CDH18: variants seen among roughly 807,000 people sequenced by gnomAD.
The protein encoded by CDH18 is cadherin-18.
CDH18 carries 31 observed loss-of-function variants against 67.9 expected under a neutral mutation model. That is an observed-to-expected ratio of 0.46 (90% CI 0.34 to 0.62). CDH18 has a LOEUF of 0.62. Among genes scored for constraint, CDH18 ranks in the 20% least tolerant of loss-of-function variants. The pLI, the probability that CDH18 is intolerant of heterozygous loss-of-function variation, is 0.01. For missense variants in CDH18, 890 were observed against 975.5 expected (o/e 0.91, Z 1.17); for synonymous variants, 362 against 347.2 (o/e 1.04, Z -0.48).
At chr5:19,703,983 G>GAAATTC (rs1337975756) in intron 5 of CDH18, among the ~76,000 whole-genome samples, 6 of 152,228 alleles carry the variant, frequency 3.9e-5, no homozygotes, top group African/African-American at 1.2e-4. Context: ...TTACAATGGG[G>GAAATTC]AAATTCAAAT....
chr5:19,949,795 T>A (rs1369019031), intron 2 of CDH18, among the ~76,000 whole-genome samples: 1 of 152,012 alleles, frequency 6.6e-6, no homozygotes, highest in African/African-American at 2.4e-5. Context: ...TATAACATTT[T>A]AAATTTTGAC....
chr5:20,386,106 A>T (rs990726825), intron 1 of CDH18, among the ~76,000 whole-genome samples: 1 of 152,174 alleles, frequency 6.6e-6, no homozygotes, highest in East Asian at 1.9e-4. Flanking sequence ...TCATGCATTC[A>T]TCCTCAAGGA....
At position 19,508,145 on chromosome 5, in the gene CDH18, C is replaced by T. The variant is rs948991251; in HGVS notation, c.1513-5036G>A. Among the ~76,000 whole-genome samples, 6 of 151,618 alleles carry T rather than the reference C, an allele frequency of 4.0e-5. 1 individual carries two copies. The highest frequency in any genetic ancestry group is 7.3e-5 in the African/African-American group (3 of 41,324). ...TTGCTTGGTCTCTGCTCTGTATTGG[C>T]ATATTCAATATTTCTGTTTTACAAA... On this transcript the variant is annotated intron_variant, in intron 10 of 12. Coordinates refer to ENST00000382275, the MANE Select transcript of CDH18 (RefSeq NM_004934.5).
chr5:19,475,220 GC>G (rs1738243130), intron 12 of CDH18, among the ~76,000 whole-genome samples: 1 of 108,442 alleles, frequency 9.2e-6, no homozygotes, highest in Non-Finnish European at 2.1e-5. Context: ...ACACACACAT[GC>G]TTCTCAACCT....
chr5:20,508,376 T>C (rs1554011739), intron 1 of CDH18, among the ~76,000 whole-genome samples: 2 of 144,678 alleles, frequency 1.4e-5, no homozygotes, highest in Non-Finnish European at 3.0e-5. Flanking sequence ...TGTATATTTA[T>C]TTGGAAAACT....
chr5:19,534,981 T>G, intron 9 of CDH18, among the ~76,000 whole-genome samples: 1 of 152,194 alleles, frequency 6.6e-6, no homozygotes, highest in Non-Finnish European at 1.5e-5. Flanking sequence ...AACTTGCTAG[T>G]TATGTAAGTG....
chr5:20,224,991 C>T lies in CDH18; in HGVS notation c.-518+30453G>A, dbSNP rs552178563. On this transcript the variant is annotated intron_variant, in intron 2 of 14. Coordinates refer to the CDH18 transcript ENST00000507958. ...TTCTTCTTGCCTTTTGCCCTCAGCC[C>T]CAAAACATTTTTCTAGGTGCTACTT... 4.6e-5 allele frequency among the ~76,000 whole-genome samples: 7 copies of T among 152,062 alleles called. 1 individual carries two copies. In the South Asian group the frequency reaches 8.3e-4, roughly 18 times the overall value.
At chr5:20,554,669 C>T (rs190622363) in intron 1 of CDH18, among the ~76,000 whole-genome samples, 10 of 152,276 alleles carry the variant, frequency 6.6e-5, no homozygotes, top group African/African-American at 2.2e-4. Flanking sequence ...GCCACTCTCC[C>T]GTCAAAGGGG....
chr5:19,521,967 C>T (rs1242166104), intron 9 of CDH18, among the ~76,000 whole-genome samples: 1 of 151,968 alleles, frequency 6.6e-6, no homozygotes, highest in Non-Finnish European at 1.5e-5. Context: ...CTACCACTCA[C>T]GACACATATT....
At chr5:19,535,575 A>G (rs149564700) in intron 9 of CDH18, among the ~76,000 whole-genome samples, 1 of 152,184 alleles carries the variant, frequency 6.6e-6, no homozygotes. Flanking sequence ...TTTCATTTCT[A>G]TTATCTGACA....
chr5:19,913,964 G>A (rs1159221964), intron 2 of CDH18, among the ~76,000 whole-genome samples: 1 of 151,990 alleles, frequency 6.6e-6, no homozygotes, highest in African/African-American at 2.4e-5. Context: ...GAAACAATGC[G>A]ATTATTTTAG....
At chr5:20,124,851 C>T (rs749985484) in intron 2 of CDH18, among the ~76,000 whole-genome samples, 1 of 152,042 alleles carries the variant, frequency 6.6e-6, no homozygotes, top group Non-Finnish European at 1.5e-5. Flanking sequence ...ATGACTATAT[C>T]CTATATAGCA....
At chr5:19,777,151 A>G (rs1057164166) in intron 3 of CDH18, among the ~76,000 whole-genome samples, 1 of 152,162 alleles carries the variant, frequency 6.6e-6, no homozygotes, top group East Asian at 1.9e-4. Flanking sequence ...GTGATGGCAC[A>G]TGCCTGTAAT....
intron 3 of CDH18, among the ~76,000 whole-genome samples, chr5:19,753,863 G>A (rs1561228157): frequency 6.6e-6 from 1 of 152,090 alleles, no homozygotes; most frequent in African/African-American, 2.4e-5. Context: ...CAAGAATTTT[G>A]TATCCAGTGA....
rs777265512 is a variant in CDH18, at chr5:20,519,942, C to CTTTTTTT, written c.-580+55513_-580+55519dup. 4.3e-4 allele frequency among the ~76,000 whole-genome samples: 18 copies of CTTTTTTT among 41,688 alleles called. 6 individuals are homozygous for CTTTTTTT. The highest frequency in any genetic ancestry group is 8.0e-4 in the African/African-American group (9 of 11,260). 27.3% of individuals were successfully genotyped at this position (41,688 alleles called of 152,430 possible). The stretch of plus-strand genomic sequence containing the variant: ...AGGCTGGAGTACAACACAGTCTTGG[C>CTTTTTTT]TTTTTTTTTTTTTTTTTTTTTTTTT... On this transcript the variant is annotated intron_variant, in intron 1 of 14. Transcript: ENST00000507958.
intron 2 of CDH18, among the ~76,000 whole-genome samples, chr5:20,187,151 A>G: frequency 6.6e-6 from 1 of 151,866 alleles, no homozygotes; most frequent in East Asian, 1.9e-4. Context: ...ATAGGGAATT[A>G]ATGTTTAATG....
At chr5:19,865,656 T>C (rs1785401191) in intron 2 of CDH18, among the ~76,000 whole-genome samples, 1 of 152,084 alleles carries the variant, frequency 6.6e-6, no homozygotes, top group South Asian at 2.1e-4. Context: ...TTAGCATCTC[T>C]GGGCTACTTC....
At chr5:20,395,300 T>C (rs550480221) in intron 1 of CDH18, among the ~76,000 whole-genome samples, 1 of 152,192 alleles carries the variant, frequency 6.6e-6, no homozygotes, top group Admixed American at 6.5e-5. Flanking sequence ...GCAATTTGAA[T>C]GGAGCTGGAA....
chr5:20,460,598 T>C lies in CDH18; in HGVS notation c.-580+114864A>G, dbSNP rs141082810. Among the ~76,000 whole-genome samples the C allele has an allele frequency of 4.6e-3, 706 of 152,088 alleles. 13 individuals carry two copies. Among genetic ancestry groups the C allele is most frequent in the Admixed American group, 0.042 (640 of 15,276 alleles). ...AAAAATAATATATATTTGCTTATAGTCAGATTTCATCTTTGAACAGTGAAA... is the reference window on the plus strand; with the variant it reads ...AAAAATAATATATATTTGCTTATAGCCAGATTTCATCTTTGAACAGTGAAA... On this transcript the variant is annotated intron_variant, in intron 1 of 14. Coordinates refer to the CDH18 transcript ENST00000507958.
Sources: gnomAD v4.1 joint callset for allele counts (sites outside exome capture counted in the v4.1 genomes callset) on GRCh38, gnomAD v4.1.1 for gene constraint, MANE v1.5 for transcripts, NCBI Gene and HGNC (gene_info 2026-07-23, HGNC 2026-07-21) for gene names.